The following GIMAP8 variants were observed in gnomAD, a reference collection of about 807,000 sequenced individuals.
GIMAP8 encodes GTPase, IMAP family member 8, also known as GTPase IMAP family member 8.
Under a neutral mutation model 35.6 loss-of-function variants are expected in GIMAP8, and 29 were observed. That is an observed-to-expected ratio of 0.81 (90% CI 0.61 to 1.11). The LOEUF is 1.11. Ranked by LOEUF, GIMAP8 falls within the 50% of genes most tolerant of loss-of-function variation. The probability of loss-of-function intolerance (pLI) is 0.00; values close to 1 mark genes in which losing one functional copy is unlikely to be tolerated. For missense variants in GIMAP8, 811 were observed against 805.0 expected, an observed-to-expected ratio of 1.01 and a Z score of -0.09; for synonymous variants, 335 against 308.7, an observed-to-expected ratio of 1.09 and a Z score of -0.89.
chr7:150,456,897 A>G (rs1801742111), intron 1 of GIMAP8, among the ~76,000 whole-genome samples: 1 of 152,256 alleles, frequency 6.6e-6, no homozygotes, highest in Non-Finnish European at 1.5e-5. Context: ...AATAAAGAAT[A>G]TCTCTTTGAT....
chr7:150,458,456 A>G (rs1435027487), intron 1 of GIMAP8, among the ~76,000 whole-genome samples: 1 of 152,220 alleles, frequency 6.6e-6, no homozygotes, highest in Non-Finnish European at 1.5e-5. Flanking sequence ...CTCAGAGTCC[A>G]CTGATTTTAA....
chr7:150,469,050 A>C (rs748790749), intron 2 of GIMAP8, among the ~76,000 whole-genome samples: 3 of 152,216 alleles, frequency 2.0e-5, no homozygotes, highest in Non-Finnish European at 4.4e-5. Flanking sequence ...CTGGTTTTAC[A>C]TGCTCCAGTG....
chr7:150,473,195 A>G (rs1802134347), intron 3 of GIMAP8, among the ~76,000 whole-genome samples: 1 of 152,146 alleles, frequency 6.6e-6, no homozygotes, highest in South Asian at 2.1e-4. Context: ...CTCAGTTCAT[A>G]GGTCTGGTGT....
chr7:150,465,175 A>G (rs1048737137), intron 1 of GIMAP8, among the ~76,000 whole-genome samples: 1 of 152,202 alleles, frequency 6.6e-6, no homozygotes, highest in Non-Finnish European at 1.5e-5. Context: ...GTGTGAAATA[A>G]CATGAATAAC....
chr7:150,460,268 C>G (rs1801815815), intron 1 of GIMAP8, among the ~76,000 whole-genome samples: 1 of 152,216 alleles, frequency 6.6e-6, no homozygotes, highest in Non-Finnish European at 1.5e-5. Flanking sequence ...TCTTCCTCTG[C>G]TGAAGTCACC....
intron 1 of GIMAP8, among the ~76,000 whole-genome samples, chr7:150,462,287 G>T (rs1306158340): frequency 6.6e-6 from 1 of 152,194 alleles, no homozygotes; most frequent in African/African-American, 2.4e-5. Flanking sequence ...TGTCACAGGG[G>T]ATATGATGGC....
chr7:150,469,164 G>A (rs1185127206), intron 2 of GIMAP8, among the ~76,000 whole-genome samples: 2 of 152,116 alleles, frequency 1.3e-5, no homozygotes, highest in East Asian at 3.9e-4. Flanking sequence ...CTTCCTGTTT[G>A]CCCCTGAGTT....
At chr7:150,455,133 C>T (rs375818946) in intron 1 of GIMAP8, among the ~76,000 whole-genome samples, 1,428 of 83,804 alleles carry the variant, frequency 0.017, 27 homozygotes, top group African/African-American at 0.06. Flanking sequence ...AGCGAAATTC[C>T]ATCTCAAAAA....
chr7:150,451,266 T>C lies in GIMAP8; in HGVS notation c.-29+91T>C, dbSNP rs1177040364. 6 of 152,232 alleles carry C rather than the reference T, an allele frequency of 3.9e-5. No homozygotes were observed. The highest frequency in any genetic ancestry group is 3.9e-4 in the Admixed American group (6 of 15,278). The allele number at this position is 152,232 out of a possible 1,614,324, so 9.4% of individuals were successfully genotyped here. ...CCCCATGGGACACGACCGCAGTGCA[T>C]GTGTGACATGTGCACTCGTGTGTAG... On this transcript the variant is annotated intron_variant, in intron 1 of 4. Transcript: ENST00000307271. This position sits in a 1 kb window ranked among gnomAD's most constrained non-coding sequence, Gnocchi z 4.1.
rs923132263 is a variant in GIMAP8 at position 150,477,568 on chromosome 7, C to T, written c.1786C>T (p.Arg596Trp). 2.6e-5 allele frequency: 42 copies of T among 1,613,988 alleles called. No homozygotes were observed. Among genetic ancestry groups the T allele is most frequent in the South Asian group, 6.6e-5 (6 of 91,066 alleles). Residue 596 changes from arginine (R) to tryptophan (W), a missense_variant, in exon 5 of 5, where the codon CGG (arginine) becomes TGG (tryptophan). Physicochemically the swap from Arg to Trp is moderately radical, Grantham distance 101. Transcript: ENST00000307271. ...TCGGCGCATTTTTAAAAAGTGTGGG[C>T]GGCGAGTTTGTGCTTTTAACAACAA... ...ALRRIFKKCGRRVCAFNNKET... is the reference protein window; with the variant it reads ...ALRRIFKKCGWRVCAFNNKET...
intron 2 of GIMAP8, among the ~76,000 whole-genome samples, chr7:150,469,889 C>G (rs1802050748): frequency 6.6e-6 from 1 of 152,150 alleles, no homozygotes; most frequent in Non-Finnish European, 1.5e-5. Flanking sequence ...GTAGTTCTGT[C>G]TATATTGACT....
intron 1 of GIMAP8, among the ~76,000 whole-genome samples, chr7:150,457,880 C>T (rs1276762497): frequency 6.6e-6 from 1 of 152,250 alleles, no homozygotes; most frequent in Non-Finnish European, 1.5e-5. Context: ...CCACCTTGCT[C>T]ATGGGCAGTT....
chr7:150,452,119 C>T (rs148020179), intron 1 of GIMAP8, among the ~76,000 whole-genome samples: 1 of 152,222 alleles, frequency 6.6e-6, no homozygotes, highest in Non-Finnish European at 1.5e-5. Flanking sequence ...GAAGAACGCT[C>T]TCTTTTTCTC....
intron 2 of GIMAP8, among the ~76,000 whole-genome samples, chr7:150,469,297 T>C (rs977101883): frequency 6.6e-6 from 1 of 152,160 alleles, no homozygotes; most frequent in African/African-American, 2.4e-5. Flanking sequence ...TAAAAGTCAC[T>C]TCCTCAGGGA....
At chr7:150,462,493 G>C (rs1015708337) in intron 1 of GIMAP8, among the ~76,000 whole-genome samples, 3 of 152,086 alleles carry the variant, frequency 2.0e-5, no homozygotes, top group African/African-American at 7.2e-5. Flanking sequence ...TTCACATGTA[G>C]GACCCCATTA....
Position 150,466,856 on chromosome 7 carries a change from G to A in GIMAP8, c.158G>A (p.Ser53Asn), listed in dbSNP as rs766238778. The change falls in exon 2 of 5, where the codon AGT (serine) becomes AAT (asparagine). Residue 53 changes from serine (S) to asparagine (N), a missense_variant. Physicochemically the swap from Ser to Asn is conservative, Grantham distance 46. Transcript: ENST00000307271. ...GTGATCAAAATGTGCCAGAGAGAGAGTTGGGTCCTGAGAGAAAGGAAGGTT... is the reference window on the plus strand; with the variant it reads ...GTGATCAAAATGTGCCAGAGAGAGAATTGGGTCCTGAGAGAAAGGAAGGTT... Reference protein sequence around the residue: ...QTVIKMCQRESWVLRERKVVV... With the variant: ...QTVIKMCQRENWVLRERKVVV... 1 of 1,614,258 alleles carries A rather than the reference G, an allele frequency of 6.2e-7. No homozygotes were observed. Among genetic ancestry groups the A allele is most frequent in the Non-Finnish European group, 8.5e-7 (1 of 1,180,050 alleles).
rs766238778 is a variant in GIMAP8 at position 150,466,856 on chromosome 7, G to T, written c.158G>T (p.Ser53Ile). The T allele has an allele frequency of 7.4e-6, 12 of 1,614,140 alleles. No homozygotes were observed. In the East Asian group the frequency reaches 2.7e-4, roughly 36 times the overall value. ...GTGATCAAAATGTGCCAGAGAGAGA[G>T]TTGGGTCCTGAGAGAAAGGAAGGTT... ...QTVIKMCQRE[S>I]WVLRERKVVV... is the part of the protein sequence containing the mutation. Residue 53 changes from serine to isoleucine, a missense_variant, in exon 2 of 5, where the codon AGT becomes ATT. Ser to Ile is a moderately radical substitution (Grantham distance 142, BLOSUM62 -2). Coordinates refer to ENST00000307271, the MANE Select transcript of GIMAP8 (RefSeq NM_175571.4).
chr7:150,471,237 C>G (rs1018335674), intron 3 of GIMAP8, among the ~76,000 whole-genome samples: 4 of 152,190 alleles, frequency 2.6e-5, no homozygotes, highest in Non-Finnish European at 5.9e-5. Context: ...TGGACAACAC[C>G]AACTTGGAGA....
chr7:150,477,319 GAGGTCA>G lies in GIMAP8; in HGVS notation c.1540_1545del (p.Val514_Lys515del), dbSNP rs1381693984. The G allele has an allele frequency of 1.7e-5, 27 of 1,614,042 alleles. No individual in the cohort carries two copies. Among genetic ancestry groups the G allele is most frequent in the Non-Finnish European group, 2.3e-5 (27 of 1,180,016 alleles). On this transcript the variant is annotated inframe_deletion, in exon 5 of 5. Coordinates refer to ENST00000307271, the MANE Select transcript of GIMAP8 (RefSeq NM_175571.4). ...AAAGGACCCATCCCGGTTAGAAGAGGAGGTCAAGCGCTGTTTGTCCTGCTGTGAAAA... is the reference window on the plus strand; with the variant it reads ...AAAGGACCCATCCCGGTTAGAAGAGGAGCGCTGTTTGTCCTGCTGTGAAAA...
Sources: allele counts gnomAD v4.1 joint callset (sites outside exome capture counted in the v4.1 genomes callset), GRCh38; gene constraint gnomAD v4.1.1; non-coding constraint Gnocchi (gnomAD v3.1); transcripts MANE v1.5; gene names NCBI Gene and HGNC (gene_info 2026-07-23, HGNC 2026-07-21).